The following DGKI variants were observed in gnomAD, a reference collection of about 807,000 sequenced individuals.
DGKI encodes the protein diacylglycerol kinase iota.
In DGKI, 55 loss-of-function variants were observed where a neutral mutation model predicts 147.5. The observed-to-expected ratio is 0.37, with a 90% CI of 0.30 to 0.47. DGKI has a LOEUF of 0.47. Among genes scored for constraint, DGKI ranks in the 20% least tolerant of loss-of-function variants. DGKI has a pLI of 1.00. For synonymous variants in DGKI, 469 were observed against 477.1 expected (o/e 0.98, Z 0.22); for missense variants, 1,007 against 1,323.8 (o/e 0.76, Z 3.71).
At chr7:137,639,497 G>A (rs1262851587) in intron 6 of DGKI, among the ~76,000 whole-genome samples, 1 of 152,070 alleles carries the variant, frequency 6.6e-6, no homozygotes. Context: ...GGAGCAAAGG[G>A]GTCATTTGCT....
intron 20 of DGKI, among the ~76,000 whole-genome samples, chr7:137,523,071 AAG>A (rs1434592283): frequency 6.6e-6 from 1 of 152,136 alleles, no homozygotes; most frequent in Non-Finnish European, 1.5e-5. Flanking sequence ...GAAAAAAAGA[AAG>A]AGAAAGACGG....
At chr7:137,615,112 T>C (rs1170258138) in intron 8 of DGKI, among the ~76,000 whole-genome samples, 1 of 152,116 alleles carries the variant, frequency 6.6e-6, no homozygotes, top group Non-Finnish European at 1.5e-5. Flanking sequence ...CCACCTTGGA[T>C]AGATAGGCCA....
chr7:137,716,096 C>G (rs998238069), intron 1 of DGKI, among the ~76,000 whole-genome samples: 36 of 152,276 alleles, frequency 2.4e-4, no homozygotes, highest in African/African-American at 8.7e-4. Flanking sequence ...AGGTCACAGA[C>G]AAAAGGGAAT....
At chr7:137,541,160 A>G (rs145505925) in intron 20 of DGKI, among the ~76,000 whole-genome samples, 45 of 152,348 alleles carry the variant, frequency 3.0e-4, no homozygotes, top group African/African-American at 1.1e-3. Context: ...ACAATAATAG[A>G]AAGAATATGG....
chr7:137,619,090 G>T (rs1820650186), intron 8 of DGKI, among the ~76,000 whole-genome samples: 1 of 152,164 alleles, frequency 6.6e-6, no homozygotes, highest in Non-Finnish European at 1.5e-5. Context: ...CCTAAGGGAG[G>T]TATAGTCTCT....
intron 6 of DGKI, among the ~76,000 whole-genome samples, chr7:137,637,186 T>G (rs1821343520): frequency 6.6e-6 from 1 of 152,174 alleles, no homozygotes. Flanking sequence ...AACACCTCCC[T>G]CTACCCAGTC....
chr7:137,799,083 T>C (rs892244273), intron 1 of DGKI, among the ~76,000 whole-genome samples: 1 of 152,184 alleles, frequency 6.6e-6, no homozygotes, highest in Admixed American at 6.5e-5. Context: ...CTGAATGTTT[T>C]CTCTCTTAGA....
intron 2 of DGKI, among the ~76,000 whole-genome samples, chr7:137,683,523 T>C (rs1246527466): frequency 1.3e-5 from 2 of 152,102 alleles, no homozygotes; most frequent in African/African-American, 4.8e-5. Flanking sequence ...TACAGGCATA[T>C]GCCAACACAC....
At chr7:137,829,762 C>A (rs1240345434) in intron 1 of DGKI, among the ~76,000 whole-genome samples, 1 of 152,190 alleles carries the variant, frequency 6.6e-6, no homozygotes, top group African/African-American at 2.4e-5. Flanking sequence ...TAGCCAAAGT[C>A]CACATGGATT....
In DGKI at chr7:137,431,824, T is replaced by C. The variant is rs376888265; in HGVS notation, c.2761+12253A>G. Reference sequence around the variant, plus strand: ...ATGCAAGTGACTCCAAACCATGGCTTTTGGCAATTGCCAACCCTACCACCC... The same window carrying C: ...ATGCAAGTGACTCCAAACCATGGCTCTTGGCAATTGCCAACCCTACCACCC... On this transcript the variant is annotated intron_variant, in intron 28 of 32. Transcript: ENST00000614521. Among the ~76,000 whole-genome samples, 11 of 152,284 alleles carry C rather than the reference T, an allele frequency of 7.2e-5. No homozygotes were observed. In the East Asian group the frequency reaches 2.1e-3, roughly 29 times the overall value.
At chr7:137,433,707 T>G (rs894237507) in intron 28 of DGKI, among the ~76,000 whole-genome samples, 2 of 152,238 alleles carry the variant, frequency 1.3e-5, no homozygotes, top group Non-Finnish European at 2.9e-5. Flanking sequence ...GAGTCAGAGA[T>G]TTCTCATTTC....
chr7:137,651,550 T>C (rs1159556978), intron 5 of DGKI, among the ~76,000 whole-genome samples: 83 of 152,174 alleles, frequency 5.5e-4, no homozygotes. Context: ...CTGTGATACA[T>C]TCAAAAGACA....
At chr7:137,498,754 T>C (rs2128941292) in intron 21 of DGKI, among the ~76,000 whole-genome samples, 1 of 152,282 alleles carries the variant, frequency 6.6e-6, no homozygotes, top group Middle Eastern at 3.4e-3. Context: ...AAGTTGAATT[T>C]GCAATACGAA....
At chr7:137,431,943 A>T (rs28493510) in intron 28 of DGKI, among the ~76,000 whole-genome samples, 63,956 of 152,070 alleles carry the variant, frequency 0.42, 14,039 homozygotes, top group East Asian at 0.74. Context: ...ATCCCCAGTG[A>T]TGGAGGAGGG....
rs1821969260 is a variant in DGKI, at chr7:137,650,009, T to G, written c.739-4472A>C. Among the ~76,000 whole-genome samples the G allele has an allele frequency of 2.0e-5, 3 of 152,176 alleles. No individual in the cohort carries two copies. The South Asian group carries it at 6.2e-4, about 32-fold the overall frequency. Reference sequence around the variant, plus strand: ...ACTTAGTGGAAACGAAGCAGAGGTATAATGTGAACTAGGGTCAAACTAATT... The same window carrying G: ...ACTTAGTGGAAACGAAGCAGAGGTAGAATGTGAACTAGGGTCAAACTAATT... On this transcript the variant is annotated intron_variant, in intron 5 of 32. Coordinates refer to ENST00000614521, the MANE Select transcript of DGKI (RefSeq NM_001321708.2).
In DGKI at chr7:137,571,296, A is replaced by G; in HGVS notation, c.1836-10T>C. On this transcript the variant is annotated splice_polypyrimidine_tract_variant and intron_variant, in intron 18 of 32. Coordinates refer to ENST00000614521, the MANE Select transcript of DGKI (RefSeq NM_001321708.2). ...TGTGCCAGCACAATATCTGCAAGAG[A>G]AGATTAAAGACAGAAGTAAATATGT... is the stretch of plus-strand genomic sequence containing the variant. The G allele has an allele frequency of 6.3e-7, 1 of 1,593,010 alleles. No individual in the cohort carries two copies. The highest frequency in any genetic ancestry group is 8.6e-7 in the Non-Finnish European group (1 of 1,163,536).
chr7:137,660,511 A>G (rs914089649), intron 3 of DGKI, among the ~76,000 whole-genome samples: 2 of 152,190 alleles, frequency 1.3e-5, no homozygotes, highest in Admixed American at 1.3e-4. Context: ...GGCAAGGGAG[A>G]AAAACTGTCA....
At chr7:137,727,386 C>T (rs1794747257) in intron 1 of DGKI, among the ~76,000 whole-genome samples, 1 of 152,160 alleles carries the variant, frequency 6.6e-6, no homozygotes, top group Non-Finnish European at 1.5e-5. Flanking sequence ...CAAAGCCACT[C>T]AATTAGGCAA....
chr7:137,541,057 G>A (rs1399707901), intron 20 of DGKI, among the ~76,000 whole-genome samples: 1 of 152,090 alleles, frequency 6.6e-6, no homozygotes, highest in African/African-American at 2.4e-5. Context: ...TGTATGGAAA[G>A]ACAAAGGAAC....
Sources: allele counts gnomAD v4.1 joint callset (sites outside exome capture counted in the v4.1 genomes callset), GRCh38; gene constraint gnomAD v4.1.1; transcripts MANE v1.5; gene names NCBI Gene and HGNC (gene_info 2026-07-23, HGNC 2026-07-21).